The following MYH9 variants were observed in gnomAD, a reference collection of about 807,000 sequenced individuals.
The protein encoded by MYH9 is myosin heavy chain 9, also known as myosin-9.
Under a neutral mutation model 241.9 loss-of-function variants are expected in MYH9, and 29 were observed. The ratio of observed to expected loss-of-function variants is 0.12; its 90% CI spans 0.09 to 0.16. The LOEUF is 0.16. Ranked by LOEUF, MYH9 falls within the 10% of genes least tolerant of loss-of-function variation. The probability of loss-of-function intolerance (pLI) is 1.00; values close to 1 mark genes in which losing one functional copy is unlikely to be tolerated. For synonymous variants in MYH9, 1,047 were observed against 1,062.6 expected (o/e 0.99, Z 0.29); for missense variants, 1,803 against 2,595.5 (o/e 0.69, Z 6.63).
intron 1 of MYH9, among the ~76,000 whole-genome samples, chr22:36,382,347 C>T (rs1465045653): frequency 6.6e-6 from 1 of 151,276 alleles, no homozygotes; most frequent in African/African-American, 2.4e-5. Flanking sequence ...TGGTGGCAGG[C>T]GCCTGTAATC....
intron 3 of MYH9, 73 bp downstream of exon 3, chr22:36,341,297 A>T (rs1273859747): frequency 6.3e-7 from 1 of 1,581,008 alleles, no homozygotes; most frequent in East Asian, 2.2e-5. Flanking sequence ...AATGTGACTT[A>T]GCACCTGCAA....
intron 1 of MYH9, among the ~76,000 whole-genome samples, chr22:36,364,529 G>A (rs2017980258): frequency 6.6e-6 from 1 of 152,168 alleles, no homozygotes; most frequent in Non-Finnish European, 1.5e-5. Flanking sequence ...TAGCAGGACA[G>A]ACAGCAAGGG....
intron 31 of MYH9, among the ~76,000 whole-genome samples, chr22:36,291,683 T>TAAAAAAAAAAA (rs66686435): frequency 6.9e-5 from 6 of 86,936 alleles, no homozygotes; most frequent in East Asian, 3.2e-4. Flanking sequence ...ATAAAAAAAT[T>TAAAAAAAAAAA]AAAAAAAAAA....
chr22:36,369,132 C>T (rs529257599), intron 1 of MYH9, among the ~76,000 whole-genome samples: 1 of 152,316 alleles, frequency 6.6e-6, no homozygotes, highest in East Asian at 1.9e-4. Flanking sequence ...CCAGGACACA[C>T]AGCTAGTCAA....
chr22:36,356,282 T>C (rs7285983), intron 1 of MYH9, among the ~76,000 whole-genome samples: 1 of 152,248 alleles, frequency 6.6e-6, no homozygotes, highest in Admixed American at 6.5e-5. Context: ...GCTTCCATTG[T>C]TAAGAAAGAT....
At chr22:36,363,787 G>A (rs554055068) in intron 1 of MYH9, among the ~76,000 whole-genome samples, 7 of 152,280 alleles carry the variant, frequency 4.6e-5, no homozygotes, top group Admixed American at 2.0e-4. Flanking sequence ...GGTTGGAAGC[G>A]GCTGACAGGG....
chr22:36,354,057 C>T (rs193145962), intron 1 of MYH9, among the ~76,000 whole-genome samples: 13 of 152,206 alleles, frequency 8.5e-5, no homozygotes, highest in African/African-American at 2.4e-4. Context: ...TGTGCCACCA[C>T]GCCTGGCTAA....
At chr22:36,331,574 C>T (rs187048906) in intron 3 of MYH9, among the ~76,000 whole-genome samples, 4 of 152,340 alleles carry the variant, frequency 2.6e-5, no homozygotes, top group Admixed American at 2.6e-4. Flanking sequence ...TTAAGCCTCA[C>T]TTCCTCTGTG....
chr22:36,374,729 G>C (rs993364329), intron 1 of MYH9, among the ~76,000 whole-genome samples: 10 of 152,190 alleles, frequency 6.6e-5, no homozygotes, highest in Non-Finnish European at 1.3e-4. Flanking sequence ...GGGAAATGGG[G>C]CAAGGAAACA....
intron 34 of MYH9, among the ~76,000 whole-genome samples, chr22:36,287,667 G>A (rs1416366541): frequency 1.3e-5 from 2 of 152,162 alleles, no homozygotes; most frequent in Non-Finnish European, 2.9e-5. Context: ...GCGTGAACCC[G>A]GGAGGCGGAG....
At position 36,352,678 on chromosome 22, in the gene MYH9, C is replaced by T. The variant is rs149181142; in HGVS notation, c.-19-3423G>A. The stretch of plus-strand genomic sequence containing the variant: ...GACAGTCACAGGCCAGTGGTGTCCA[C>T]TTGAAGACTAGCAGAGGCCTGGCCA... On this transcript the variant is annotated intron_variant, in intron 1 of 40. Transcript: ENST00000216181. 1.9e-3 allele frequency among the ~76,000 whole-genome samples: 290 copies of T among 152,342 alleles called. 2 individuals are homozygous for T. Among genetic ancestry groups the T allele is most frequent in the African/African-American group, 6.2e-3 (257 of 41,574 alleles).
At chr22:36,321,354 C>T (rs1375087878) in intron 7 of MYH9, among the ~76,000 whole-genome samples, 1 of 152,190 alleles carries the variant, frequency 6.6e-6, no homozygotes, top group African/African-American at 2.4e-5. Context: ...GGGTTCTCAC[C>T]TTCAAGGGGC....
At chr22:36,336,777 T>C (rs1279414547) in intron 3 of MYH9, among the ~76,000 whole-genome samples, 4 of 152,230 alleles carry the variant, frequency 2.6e-5, no homozygotes, top group Non-Finnish European at 4.4e-5. Flanking sequence ...CACCTGACAT[T>C]GGCTCAGTCG....
Position 36,320,136 on chromosome 22 carries a change from CCAT to C in MYH9, c.1012+81_1012+83del, listed in dbSNP as rs1159198363. 1 of 1,575,664 alleles carries C rather than the reference CCAT, an allele frequency of 6.3e-7. No homozygotes were observed. The highest frequency in any genetic ancestry group is 8.6e-7 in the Non-Finnish European group (1 of 1,160,500). ...CTGGCCTCTAGCAGGCTCCCCAGGC[CCAT>C]CGGCTACCCTGATGCCCCGAGGCCG... On this transcript the variant is annotated intron_variant, in intron 9 of 40. Transcript: ENST00000216181. This position sits in a 1 kb window ranked among gnomAD's most constrained non-coding sequence, Gnocchi z 4.8.
intron 3 of MYH9, among the ~76,000 whole-genome samples, chr22:36,331,883 C>G (rs540753365): frequency 1.3e-5 from 2 of 152,354 alleles, no homozygotes; most frequent in South Asian, 4.1e-4. Context: ...GGTTGGACAA[C>G]ATGCCCACGT....
intron 24 of MYH9, chr22:36,297,227 T>C: frequency 1.7e-6 from 1 of 597,296 alleles, no homozygotes; most frequent in Non-Finnish European, 3.0e-6. Context: ...AACTCACCCC[T>C]TGTCCTTCCC....
Position 36,301,539 on chromosome 22 carries a change from A to C in MYH9, c.2626T>G (p.Ser876Ala). The C allele has an allele frequency of 6.2e-7, 1 of 1,613,520 alleles. No homozygotes were observed. The highest frequency in any genetic ancestry group is 1.7e-5 in the Admixed American group (1 of 60,026). ...GAGCCTGCACTGACACCCACCTGAGACTGCAGCGTCTCCATCTCCGTGAGC... is the reference window on the plus strand; with the variant it reads ...GAGCCTGCACTGACACCCACCTGAGCCTGCAGCGTCTCCATCTCCGTGAGC... The part of the protein sequence containing the change: ...NRLTEMETLQ[S>A]QLMAEKLQLQ... The change falls in exon 21 of 41, where the codon TCT becomes GCT. Residue 876 changes from serine (S) to alanine (A), a missense_variant. Ser to Ala is a moderately conservative substitution (Grantham distance 99, BLOSUM62 1). Around this residue, in one of 11 missense-constraint regions of MYH9, gnomAD observed 290 missense variants for 360.5 expected, o/e 0.80. Transcript: ENST00000216181.
rs1485733853 is a variant in MYH9 at position 36,320,302 on chromosome 22, G to A, written c.930C>T (p.Ile310=). 3 of 1,614,098 alleles carry A rather than the reference G, an allele frequency of 1.9e-6. No individual in the cohort carries two copies. Among genetic ancestry groups the A allele is most frequent in the Admixed American group, 1.7e-5 (1 of 60,008 alleles). ...ACATGTCCTTGTCCTGCTGCCCGGG[G>A]ATGGTGACGTGTCCATTGGACAGGA... ...YRFLSNGHVT[I]PGQQDKDMFQ... is the part of the protein sequence containing the mutation. The change falls in exon 9 of 41, where the codon ATC becomes ATT. Residue 310 remains isoleucine, a synonymous_variant. Coordinates refer to ENST00000216181, the MANE Select transcript of MYH9 (RefSeq NM_002473.6). The surrounding 1 kb of genome is among the most constrained non-coding windows in gnomAD (Gnocchi z 4.8).
intron 2 of MYH9, among the ~76,000 whole-genome samples, chr22:36,342,099 C>G (rs1030236470): frequency 6.6e-6 from 1 of 152,258 alleles, no homozygotes; most frequent in Non-Finnish European, 1.5e-5. Context: ...GAGACATTCA[C>G]ATGCAAATCC....
Sources: gnomAD v4.1 joint callset for allele counts (sites outside exome capture counted in the v4.1 genomes callset) on GRCh38, gnomAD v4.1.1 for gene constraint, gnomAD v4.1.1 regional missense constraint, Gnocchi (gnomAD v3.1) non-coding constraint, MANE v1.5 for transcripts, NCBI Gene and HGNC (gene_info 2026-07-23, HGNC 2026-07-21) for gene names.